The following ANKRD36 variants were observed in gnomAD, a reference collection of about 807,000 sequenced individuals.
ANKRD36 encodes the protein ankyrin repeat domain-containing protein 36A.
A neutral mutation model predicts 278.1 loss-of-function variants in ANKRD36; 179 were observed. The ratio of observed to expected loss-of-function variants is 0.64; its 90% CI spans 0.57 to 0.73. The LOEUF (loss-of-function observed/expected upper bound fraction) is 0.73, where lower values mean the gene tolerates loss of function less well. Among genes scored for constraint, ANKRD36 ranks in the 30% least tolerant of loss-of-function variants. The probability of loss-of-function intolerance (pLI) is 0.00; values close to 1 mark genes in which losing one functional copy is unlikely to be tolerated. For missense variants in ANKRD36, 1,159 were observed against 1,956.7 expected (o/e 0.59, Z 7.69); for synonymous variants, 320 against 641.1 (o/e 0.50, Z 7.57).
At chr2:97,178,166 A>T (rs1225890777) in intron 22 of ANKRD36, among the ~76,000 whole-genome samples, 4 of 151,134 alleles carry the variant, frequency 2.6e-5, no homozygotes, top group Non-Finnish European at 5.9e-5. Flanking sequence ...ATCATTAAAA[A>T]GTCAGGAAAC....
At chr2:97,178,920 C>T (rs2055267860) in intron 22 of ANKRD36, among the ~76,000 whole-genome samples, 1 of 151,624 alleles carries the variant, frequency 6.6e-6, no homozygotes. Flanking sequence ...GAATTCATTA[C>T]TTGACTCCCA....
At chr2:97,177,215 A>G (rs1435555447) in intron 22 of ANKRD36, among the ~76,000 whole-genome samples, 1 of 151,914 alleles carries the variant, frequency 6.6e-6, no homozygotes, top group African/African-American at 2.4e-5. Context: ...ATGCTCATGC[A>G]TAGGAAGAAT....
At position 97,209,582 on chromosome 2, in the gene ANKRD36, C is replaced by T. The variant is rs1359134219; in HGVS notation, c.3266-99C>T. 6.4e-6 allele frequency: 10 copies of T among 1,568,924 alleles called. No homozygotes were observed. The South Asian group carries it at 9.1e-5, about 14-fold the overall frequency. On this transcript the variant is annotated intron_variant, in intron 54 of 75. Coordinates refer to ENST00000420699, the MANE Select transcript of ANKRD36 (RefSeq NM_001354587.1). ...GAAGCCATCAAAGCCTCCACTAATA[C>T]AGGCAGGAGGACAGAGGTTGATGCT...
intron 15 of ANKRD36, 42 bp downstream of exon 15, chr2:97,154,783 C>T (rs2047045632): frequency 7.1e-7 from 1 of 1,400,708 alleles, no homozygotes; most frequent in African/African-American, 1.4e-5. Context: ...CATTCTGAAT[C>T]TCATTTTTTG....
At chr2:97,160,478 G>A (rs377411128) in intron 17 of ANKRD36, among the ~76,000 whole-genome samples, 2 of 151,754 alleles carry the variant, frequency 1.3e-5, no homozygotes, top group Non-Finnish European at 2.9e-5. Context: ...CAGCTCTAAA[G>A]CTCAGGAATC....
At position 97,118,050 on chromosome 2, in the gene ANKRD36, T is replaced by C. The variant is rs754283877; in HGVS notation, c.198-14T>C. ...TACAGTTACATGTTTTAAAAAGTCCTGTCACTCTCACAGGACCGCCCTACA... is the reference window on the plus strand; with the variant it reads ...TACAGTTACATGTTTTAAAAAGTCCCGTCACTCTCACAGGACCGCCCTACA... On this transcript the variant is annotated splice_polypyrimidine_tract_variant and intron_variant, in intron 1 of 75. Transcript: ENST00000420699. 275 of 1,548,670 alleles carry C rather than the reference T, an allele frequency of 1.8e-4. 1 individual carries two copies. The highest frequency in any genetic ancestry group is 2.3e-4 in the Non-Finnish European group (263 of 1,145,628).
intron 6 of ANKRD36, among the ~76,000 whole-genome samples, chr2:97,137,470 TAAAG>T (rs1353582517): frequency 6.6e-6 from 1 of 151,824 alleles, no homozygotes; most frequent in Non-Finnish European, 1.5e-5. Context: ...TTTTTTTTAA[TAAAG>T]AGTCTTGCTA....
At position 97,215,433 on chromosome 2, in the gene ANKRD36, T is replaced by C. The variant is rs1190578391; in HGVS notation, c.3609T>C (p.Ser1203=). Residue 1203 remains serine (S), a synonymous_variant, in exon 62 of 76, where the codon AGT becomes AGC. Coordinates refer to ENST00000420699, the MANE Select transcript of ANKRD36 (RefSeq NM_001354587.1). Reference sequence around the variant, plus strand: ...TTTCAAATCCCATTCAGGCTACAAGTGTCAAGAAAGATTCTGTTTCGAATA... The same window carrying C: ...TTTCAAATCCCATTCAGGCTACAAGCGTCAAGAAAGATTCTGTTTCGAATA... ...SQKQPAWKAT[S]VKKDSVSNIA... is the part of the protein sequence containing the mutation. 3.2e-6 allele frequency: 5 copies of C among 1,584,810 alleles called. No individual in the cohort carries two copies. In the South Asian group the frequency reaches 5.8e-5, roughly 18 times the overall value.
intron 66 of ANKRD36, among the ~76,000 whole-genome samples, chr2:97,224,481 T>C (rs1162573541): frequency 1.3e-5 from 2 of 150,518 alleles, no homozygotes; most frequent in Admixed American, 6.7e-5. Flanking sequence ...ACAGTCTCGC[T>C]CTGCCACCCA....
intron 8 of ANKRD36, among the ~76,000 whole-genome samples, chr2:97,144,264 G>A (rs2043668791): frequency 6.6e-6 from 1 of 152,222 alleles, no homozygotes; most frequent in African/African-American, 2.4e-5. Context: ...TATAGACACT[G>A]TTTTATTGTA....
rs538475040 is a variant in ANKRD36, at chr2:97,183,582, G to T, written c.1867G>T (p.Val623Phe). Residue 623 changes from valine to phenylalanine, a missense_variant and splice_region_variant, in exon 28 of 76, where the codon GTT (valine) becomes TTT (phenylalanine). By Grantham distance (50) the Val-to-Phe change is conservative. Coordinates refer to ENST00000420699, the MANE Select transcript of ANKRD36 (RefSeq NM_001354587.1). ...VSPQKQSAWK[V>F]IFKKKVSLLN... ...CTATTTTGTTTCTCTTTCCATTCAG[G>T]TTATATTTAAAAAGAAAGTTTCTCT... 6.7e-5 allele frequency: 105 copies of T among 1,556,128 alleles called. No individual in the cohort carries two copies. The highest frequency in any genetic ancestry group is 6.1e-4 in the Admixed American group (32 of 52,528).
chr2:97,210,764 C>G (rs1224292205), intron 56 of ANKRD36, among the ~76,000 whole-genome samples: 1 of 151,822 alleles, frequency 6.6e-6, no homozygotes, highest in East Asian at 2.0e-4. Context: ...ATGAATATTG[C>G]AGTGATTTCT....
chr2:97,128,889 G>A lies in ANKRD36; in HGVS notation c.799+1755G>A, dbSNP rs1206927173. On this transcript the variant is annotated intron_variant, in intron 6 of 75. Coordinates refer to ENST00000420699, the MANE Select transcript of ANKRD36 (RefSeq NM_001354587.1). ...TCCAACATGGAATCATAACACAGCC[G>A]CATTTCGAGAGTTTCAAGTTTCAAT... Among the ~76,000 whole-genome samples the A allele has an allele frequency of 5.3e-5, 8 of 152,124 alleles. No homozygotes were observed. The South Asian group carries it at 1.3e-3, about 24-fold the overall frequency.
intron 48 of ANKRD36, 40 bp downstream of exon 48, chr2:97,202,433 G>C: frequency 6.5e-7 from 1 of 1,541,406 alleles, no homozygotes; most frequent in Non-Finnish European, 8.7e-7. Context: ...TTCAGTCCAG[G>C]TAGATAAGAA....
chr2:97,232,925 A>G (rs1397151775), intron 67 of ANKRD36, among the ~76,000 whole-genome samples: 1 of 151,998 alleles, frequency 6.6e-6, no homozygotes, highest in African/African-American at 2.4e-5. Context: ...GAAATTAAAC[A>G]TCGGACATAT....
intron 58 of ANKRD36, chr2:97,213,041 T>A: frequency 2.0e-6 from 1 of 488,824 alleles, no homozygotes; most frequent in Non-Finnish European, 3.5e-6. Context: ...TCTGATTTCT[T>A]GCATGGAAGA....
intron 1 of ANKRD36, among the ~76,000 whole-genome samples, chr2:97,117,248 AT>A (rs762741240): frequency 3.4e-4 from 52 of 151,304 alleles, no homozygotes; most frequent in Non-Finnish European, 5.6e-4. Context: ...TCTTTGGATT[AT>A]TTTTTTTTTT....
At chr2:97,147,985 T>C (rs2044740357) in intron 11 of ANKRD36, among the ~76,000 whole-genome samples, 2 of 151,962 alleles carry the variant, frequency 1.3e-5, no homozygotes, top group Admixed American at 6.6e-5. Context: ...CAAGGTTTTA[T>C]TGAAAAATGT....
chr2:97,164,541 A>G, intron 20 of ANKRD36, 72 bp downstream of exon 20: 2 of 1,480,428 alleles, frequency 1.4e-6, no homozygotes, highest in Non-Finnish European at 1.8e-6. Flanking sequence ...TAGTTTTTTG[A>G]TTCCCACTTT....
Sources: allele counts gnomAD v4.1 joint callset (sites outside exome capture counted in the v4.1 genomes callset), GRCh38; gene constraint gnomAD v4.1.1; transcripts MANE v1.5; gene names NCBI Gene and HGNC (gene_info 2026-07-23, HGNC 2026-07-21).